Variants in NRXN1 observed in about 807,000 individuals in gnomAD.
NRXN1 encodes the protein neurexin 1, also known as neurexin-1.
NRXN1 carries 39 observed loss-of-function variants against 150.9 expected under a neutral mutation model. The ratio of observed to expected loss-of-function variants is 0.26; its 90% CI spans 0.20 to 0.34. NRXN1 has a LOEUF of 0.34. NRXN1 is among the 10% of genes least tolerant of loss of function. NRXN1 has a pLI of 1.00. For synonymous variants in NRXN1, 924 were observed against 757.0 expected (o/e 1.22, Z -3.62); for missense variants, 1,815 against 1,949.9 (o/e 0.93, Z 1.30).
intron 17 of NRXN1, among the ~76,000 whole-genome samples, chr2:50,422,590 T>C (rs1016323367): frequency 6.6e-6 from 1 of 152,184 alleles, no homozygotes; most frequent in Non-Finnish European, 1.5e-5. Context: ...GTTGGCTTTA[T>C]GTTGGTCTAA....
In NRXN1 at chr2:51,029,173, T is replaced by G. The variant is rs182945929; in HGVS notation, c.-900A>C. On this transcript the variant is annotated 5_prime_UTR_variant, in exon 2 of 23. Coordinates refer to ENST00000401669, the MANE Select transcript of NRXN1 (RefSeq NM_001330078.2). ...GGTGATGCATTTTGGTTTTATCTTG[T>G]CTTTTTTAAGGACTCAGACATCTGC... The G allele has an allele frequency of 6.6e-6, 1 of 152,380 alleles. No homozygotes were observed. Among genetic ancestry groups the G allele is most frequent in the Non-Finnish European group, 1.5e-5 (1 of 68,040 alleles). The allele number at this position is 152,380 out of a possible 1,614,324, so 9.4% of individuals were successfully genotyped here.
At chr2:50,692,376 A>G (rs1692203828) in intron 5 of NRXN1, among the ~76,000 whole-genome samples, 4 of 152,174 alleles carry the variant, frequency 2.6e-5, no homozygotes, top group Admixed American at 2.6e-4. Context: ...GTTGTATGTT[A>G]GCAGTAATAT....
intron 22 of NRXN1, among the ~76,000 whole-genome samples, chr2:49,925,048 T>C (rs1668850396): frequency 6.6e-6 from 1 of 152,078 alleles, no homozygotes; most frequent in African/African-American, 2.4e-5. Context: ...TCCCAGCACT[T>C]TGGGAGGCCG....
intron 2 of NRXN1, among the ~76,000 whole-genome samples, chr2:51,021,885 G>T (rs1669670894): frequency 6.6e-6 from 1 of 152,032 alleles, no homozygotes; most frequent in South Asian, 2.1e-4. Context: ...TATGTGGAAA[G>T]TGAAAGCATA....
intron 18 of NRXN1, among the ~76,000 whole-genome samples, chr2:50,194,924 T>C (rs2061665223): frequency 6.6e-6 from 1 of 152,158 alleles, no homozygotes; most frequent in African/African-American, 2.4e-5. Context: ...AAAACAACTT[T>C]AACTGACAGA....
intron 15 of NRXN1, among the ~76,000 whole-genome samples, chr2:50,493,948 C>G (rs1385107277): frequency 6.6e-6 from 1 of 152,100 alleles, no homozygotes; most frequent in African/African-American, 2.4e-5. Context: ...TTATTATGGG[C>G]AAAGCCTGTT....
chr2:50,198,166 T>C (rs2061899060), intron 18 of NRXN1, among the ~76,000 whole-genome samples: 1 of 152,134 alleles, frequency 6.6e-6, no homozygotes, highest in African/African-American at 2.4e-5. Context: ...GAGCTTTATC[T>C]TTCCTGGGGA....
At chr2:50,433,609 G>A (rs532801127) in intron 17 of NRXN1, among the ~76,000 whole-genome samples, 4 of 149,804 alleles carry the variant, frequency 2.7e-5, no homozygotes, top group African/African-American at 4.9e-5. Flanking sequence ...TATGGGCAGC[G>A]AAAACGTAGT....
In NRXN1 at chr2:50,427,072, T is replaced by C. The variant is rs76649617; in HGVS notation, c.3364+38370A>G. 2.0e-5 allele frequency among the ~76,000 whole-genome samples: 3 copies of C among 152,298 alleles called. No homozygotes were observed. In the East Asian group the frequency reaches 5.8e-4, roughly 29 times the overall value. On this transcript the variant is annotated intron_variant, in intron 17 of 22. Transcript: ENST00000401669. ...GAGGAATATTGACATTCCAGTGATGTCTCACAAACTAAAAGGGTGGATTCC... is the reference window on the plus strand; with the variant it reads ...GAGGAATATTGACATTCCAGTGATGCCTCACAAACTAAAAGGGTGGATTCC...
In NRXN1 at chr2:50,737,414, A is replaced by G. The variant is rs76259327; in HGVS notation, c.833-113799T>C. On this transcript the variant is annotated intron_variant, in intron 5 of 22. Coordinates refer to ENST00000401669, the MANE Select transcript of NRXN1 (RefSeq NM_001330078.2). ...ATTGTTTTATTACTCCAGATACTCT[A>G]TGGGACAGAGGATATTATTCTCCTT... is the stretch of plus-strand genomic sequence containing the variant. Among the ~76,000 whole-genome samples the G allele has an allele frequency of 1.6e-3, 250 of 152,260 alleles. 3 individuals are homozygous for G. The East Asian group carries it at 0.021, about 13-fold the overall frequency.
intron 17 of NRXN1, among the ~76,000 whole-genome samples, chr2:50,460,533 T>C (rs1441676827): frequency 6.6e-6 from 1 of 152,024 alleles, no homozygotes; most frequent in Non-Finnish European, 1.5e-5. Flanking sequence ...TGCCCAACAA[T>C]AATATAAAAA....
At chr2:49,923,876 A>C (rs1241639019) in intron 22 of NRXN1, among the ~76,000 whole-genome samples, 1 of 152,330 alleles carries the variant, frequency 6.6e-6, no homozygotes, top group South Asian at 2.1e-4. Flanking sequence ...TTTTATGCTG[A>C]ATGTGTCATT....
At chr2:50,213,555 C>G (rs1357671893) in intron 18 of NRXN1, among the ~76,000 whole-genome samples, 1 of 151,802 alleles carries the variant, frequency 6.6e-6, no homozygotes, top group Non-Finnish European at 1.5e-5. Flanking sequence ...AGGCAGCCCT[C>G]TGATGCTTAA....
At chr2:50,287,334 C>T (rs962233256) in intron 17 of NRXN1, among the ~76,000 whole-genome samples, 1 of 151,946 alleles carries the variant, frequency 6.6e-6, no homozygotes, top group Non-Finnish European at 1.5e-5. Flanking sequence ...TTTTAACATG[C>T]CATTAGTGCT....
chr2:50,739,555 T>A (rs891825673), intron 5 of NRXN1, among the ~76,000 whole-genome samples: 9 of 152,222 alleles, frequency 5.9e-5, no homozygotes, highest in Non-Finnish European at 1.2e-4. Flanking sequence ...CAACAGGATA[T>A]CCTGCATTAT....
chr2:50,966,779 A>G (rs141850252), intron 2 of NRXN1, among the ~76,000 whole-genome samples: 14 of 151,940 alleles, frequency 9.2e-5, no homozygotes, highest in African/African-American at 3.1e-4. Context: ...GGATAAGGGA[A>G]ATCTACTTTA....
intron 22 of NRXN1, among the ~76,000 whole-genome samples, chr2:49,926,991 C>A (rs1669219761): frequency 6.6e-6 from 1 of 152,160 alleles, no homozygotes; most frequent in Admixed American, 6.6e-5. Flanking sequence ...TGCCTCTGTG[C>A]CTTGCTCTTC....
chr2:50,756,487 T>C (rs2105356417), intron 5 of NRXN1, among the ~76,000 whole-genome samples: 1 of 151,942 alleles, frequency 6.6e-6, no homozygotes, highest in East Asian at 1.9e-4. Context: ...AAGAGATGCT[T>C]ATCAAGAACT....
rs71404935 is a variant in NRXN1 at position 50,170,141 on chromosome 2, TCACA to T, written c.3546+66644_3546+66647del. Among the ~76,000 whole-genome samples, 44 of 148,458 alleles carry T rather than the reference TCACA, an allele frequency of 3.0e-4. 1 individual carries two copies. Among genetic ancestry groups the T allele is most frequent in the East Asian group, 5.9e-4 (3 of 5,074 alleles). ...ATAATACGTCATATTATAGATAATATCACACACACACACACACACACACATATGT... is the reference window on the plus strand; with the variant it reads ...ATAATACGTCATATTATAGATAATATCACACACACACACACACACATATGT... On this transcript the variant is annotated intron_variant, in intron 18 of 22. Transcript: ENST00000401669.
Sources: gnomAD v4.1 joint callset for allele counts (sites outside exome capture counted in the v4.1 genomes callset) on GRCh38, gnomAD v4.1.1 for gene constraint, MANE v1.5 for transcripts, NCBI Gene and HGNC (gene_info 2026-07-23, HGNC 2026-07-21) for gene names.